COL13A1: variants seen among roughly 807,000 people sequenced by gnomAD.
The protein encoded by COL13A1 is collagen type XIII alpha 1 chain.
In COL13A1, 89 loss-of-function variants were observed where a neutral mutation model predicts 130.9. That is an observed-to-expected ratio of 0.68 (90% CI 0.57 to 0.81). The LOEUF (loss-of-function observed/expected upper bound fraction) is 0.81. Among genes scored for constraint, COL13A1 ranks in the 30% least tolerant of loss-of-function variants. The probability of loss-of-function intolerance (pLI) is 0.00; values close to 1 mark genes in which losing one functional copy is unlikely to be tolerated. For synonymous variants in COL13A1, 402 were observed against 341.6 expected, an observed-to-expected ratio of 1.18 and a Z score of -1.95; for missense variants, 879 against 934.6, an observed-to-expected ratio of 0.94 and a Z score of 0.78.
At chr10:69,868,462 A>G (rs975457985) in intron 3 of COL13A1, among the ~76,000 whole-genome samples, 3 of 152,200 alleles carry the variant, frequency 2.0e-5, no homozygotes, top group Non-Finnish European at 2.9e-5. Context: ...AGAGAACCTG[A>G]GAAGAGCCCA....
intron 1 of COL13A1, 72 bp from the exon 2 acceptor site, chr10:69,822,297 G>A: frequency 1.6e-6 from 2 of 1,243,916 alleles, no homozygotes; most frequent in Non-Finnish European, 1.1e-6. Flanking sequence ...CTCCTCGTCA[G>A]CCCACAGCTG....
chr10:69,889,289 AGGGGACAGGGAGGAGCACG>A (rs1223548428), intron 9 of COL13A1, 106 bp from the exon 10 acceptor site: 134 of 1,199,294 alleles, frequency 1.1e-4, no homozygotes, highest in Admixed American at 7.9e-4. Context: ...GATGGAGCAC[AGGGGACAGGGAGGAGCACG>A]GGGGGCAGGG....
chr10:69,937,941 C>T (rs576280096), intron 34 of COL13A1, among the ~76,000 whole-genome samples: 12 of 152,364 alleles, frequency 7.9e-5, no homozygotes, highest in African/African-American at 2.6e-4. Context: ...AGAAGACAGG[C>T]TCCCCCACCC....
intron 2 of COL13A1, among the ~76,000 whole-genome samples, chr10:69,864,915 C>T (rs1480202358): frequency 2.6e-5 from 4 of 152,188 alleles, no homozygotes; most frequent in East Asian, 1.9e-4. Flanking sequence ...GCTGCTTAGC[C>T]CACCTGAGGG....
intron 2 of COL13A1, among the ~76,000 whole-genome samples, chr10:69,859,083 C>T (rs1857251790): frequency 6.6e-6 from 1 of 152,168 alleles, no homozygotes; most frequent in Admixed American, 6.5e-5. Context: ...CAGTTTCCTC[C>T]ACTGTTAGGT....
At chr10:69,950,519 G>T (rs766060892) in intron 38 of COL13A1, among the ~76,000 whole-genome samples, 8 of 152,114 alleles carry the variant, frequency 5.3e-5, no homozygotes, top group Non-Finnish European at 1.0e-4. Flanking sequence ...TTCTTCATTA[G>T]GAAACTGCTC....
At chr10:69,862,037 A>G (rs1343460812) in intron 2 of COL13A1, among the ~76,000 whole-genome samples, 2 of 152,206 alleles carry the variant, frequency 1.3e-5, no homozygotes, top group East Asian at 1.9e-4. Context: ...TACTCCCACC[A>G]TGGCCAATTT....
At chr10:69,859,696 G>A (rs1333087112) in intron 2 of COL13A1, among the ~76,000 whole-genome samples, 2 of 152,116 alleles carry the variant, frequency 1.3e-5, no homozygotes, top group Middle Eastern at 3.2e-3. Context: ...CAAGGGTCTC[G>A]TCAGGACCAC....
intron 2 of COL13A1, among the ~76,000 whole-genome samples, chr10:69,864,845 G>A (rs561464633): frequency 6.6e-6 from 1 of 152,302 alleles, no homozygotes; most frequent in East Asian, 1.9e-4. Context: ...GGAGGTCTCA[G>A]GCAGAATGTC....
chr10:69,930,959 G>A (rs896818042), intron 30 of COL13A1, among the ~76,000 whole-genome samples: 1 of 152,214 alleles, frequency 6.6e-6, no homozygotes, highest in Non-Finnish European at 1.5e-5. Context: ...GTACAGAAAC[G>A]GGGCCTTCGC....
chr10:69,866,073 G>A (rs2058486360), intron 2 of COL13A1, among the ~76,000 whole-genome samples: 3 of 152,336 alleles, frequency 2.0e-5, no homozygotes, highest in East Asian at 1.9e-4. Flanking sequence ...CAGTGGTGGT[G>A]ATGTAAAAAC....
intron 39 of COL13A1, chr10:69,956,283 CA>C (rs1281084767): frequency 6.6e-6 from 1 of 152,258 alleles, no homozygotes; most frequent in Non-Finnish European, 1.5e-5. Flanking sequence ...AGAACACGAA[CA>C]TCTTGAGGCT....
intron 4 of COL13A1, among the ~76,000 whole-genome samples, 154 bp from the exon 5 acceptor site, chr10:69,874,974 C>A (rs1212113687): frequency 6.6e-6 from 1 of 152,156 alleles, no homozygotes; most frequent in African/African-American, 2.4e-5. Flanking sequence ...AGGGAGTGTA[C>A]CTACATGATG....
intron 2 of COL13A1, among the ~76,000 whole-genome samples, chr10:69,832,833 T>A (rs1849129181): frequency 6.6e-6 from 1 of 152,216 alleles, no homozygotes; most frequent in African/African-American, 2.4e-5. Flanking sequence ...CCTTAAAGGC[T>A]GTGTTTGTGC....
chr10:69,867,776 G>A (rs1027525394), intron 2 of COL13A1, 22 bp from the exon 3 acceptor site: 2 of 718,478 alleles, frequency 2.8e-6, no homozygotes, highest in African/African-American at 1.7e-5. Context: ...ACTGACCCAG[G>A]CATTTTCTCT....
At chr10:69,899,560 T>C (rs2061984333) in intron 14 of COL13A1, among the ~76,000 whole-genome samples, 2 of 152,178 alleles carry the variant, frequency 1.3e-5, no homozygotes, top group Non-Finnish European at 1.5e-5. Context: ...GCTTAGCATC[T>C]GATCCCTCGT....
At chr10:69,849,898 G>A (rs1012637801) in intron 2 of COL13A1, among the ~76,000 whole-genome samples, 1 of 152,240 alleles carries the variant, frequency 6.6e-6, no homozygotes, top group Non-Finnish European at 1.5e-5. Flanking sequence ...GCCAGCTCCC[G>A]AGTAAGGTCA....
chr10:69,819,726 C>T (rs1845554296), intron 1 of COL13A1, among the ~76,000 whole-genome samples: 1 of 152,188 alleles, frequency 6.6e-6, no homozygotes, highest in Non-Finnish European at 1.5e-5. Context: ...CTGGATGGCC[C>T]ACCACAGCAC....
intron 9 of COL13A1, 149 bp downstream of exon 9, chr10:69,888,479 C>A: frequency 1.8e-6 from 2 of 1,129,684 alleles, no homozygotes; most frequent in Admixed American, 2.1e-5. Context: ...GTGGAGGGGG[C>A]CATTTGAGTC....
Sources: allele counts gnomAD v4.1 joint callset (sites outside exome capture counted in the v4.1 genomes callset), GRCh38; gene constraint gnomAD v4.1.1; transcripts MANE v1.5; gene names NCBI Gene and HGNC (gene_info 2026-07-23, HGNC 2026-07-21).